Variants in LHX8 observed in about 807,000 individuals in gnomAD.
LHX8 encodes the protein LIM/homeobox protein Lhx8.
In LHX8, 12 loss-of-function variants were observed where a neutral mutation model predicts 40.3. That is an observed-to-expected ratio of 0.30 (90% CI 0.19 to 0.48). LHX8 has a LOEUF of 0.48. LHX8 is among the 20% of genes least tolerant of loss of function. LHX8 has a pLI of 0.99. For synonymous variants in LHX8, 179 were observed against 162.0 expected (o/e 1.10, Z -0.80); for missense variants, 344 against 433.7 (o/e 0.79, Z 1.84).
chr1:75,167,447 A>G, the LHX8 span, among the ~76,000 whole-genome samples: 1 of 152,142 alleles, frequency 6.6e-6, no homozygotes, highest in Non-Finnish European at 1.5e-5. Context: ...AAATGCCACC[A>G]TCTTTCACTA....
chr1:75,147,211 T>C (rs1056001313), intron 6 of LHX8, among the ~76,000 whole-genome samples: 2 of 152,182 alleles, frequency 1.3e-5, no homozygotes, highest in African/African-American at 2.4e-5. Context: ...TATAGTTAGA[T>C]GGGAAGCCAA....
Position 75,156,888 on chromosome 1 carries a change from C to T in LHX8, c.781-5C>T, listed in dbSNP as rs761928703. ...CCTACTTCTGTTGCTTTTCTCCCTG[C>T]TCAGGTGTGGTTTCAGAATTGTAGA... On this transcript the variant is annotated splice_region_variant and splice_polypyrimidine_tract_variant and intron_variant, in intron 7 of 8. Coordinates refer to ENST00000356261, the MANE Select transcript of LHX8 (RefSeq NM_001256114.2). The T allele has an allele frequency of 5.0e-6, 8 of 1,614,122 alleles. No individual in the cohort carries two copies. The South Asian group carries it at 7.7e-5, about 16-fold the overall frequency.
chr1:75,160,720 T>C, intron 8 of LHX8, 99 bp from the exon 9 acceptor site: 1 of 820,200 alleles, frequency 1.2e-6, no homozygotes, highest in South Asian at 1.3e-5. Flanking sequence ...TCAGCTATAA[T>C]GAGTGATGAA....
chr1:75,175,080 A>C, the LHX8 span, among the ~76,000 whole-genome samples: 3 of 152,286 alleles, frequency 2.0e-5, no homozygotes, highest in African/African-American at 7.2e-5. Flanking sequence ...TGCATTCCTG[A>C]GTTACTGCAC....
chr1:75,148,507 A>G, intron 6 of LHX8, 80 bp from the exon 7 acceptor site: 2 of 946,022 alleles, frequency 2.1e-6, no homozygotes, highest in South Asian at 2.7e-5. Flanking sequence ...TGCATGTCTT[A>G]CCTCTTATGA....
At chr1:75,193,971 A>C in the LHX8 span, among the ~76,000 whole-genome samples, 11 of 152,166 alleles carry the variant, frequency 7.2e-5, no homozygotes, top group Non-Finnish European at 1.3e-4. Context: ...TTTTATATTT[A>C]TACATCTGAC....
chr1:75,180,068 C>G, the LHX8 span, among the ~76,000 whole-genome samples: 1 of 152,184 alleles, frequency 6.6e-6, no homozygotes, highest in Non-Finnish European at 1.5e-5. Flanking sequence ...AGCTGTTAGT[C>G]TGATAGCCTT....
intron 3 of LHX8, among the ~76,000 whole-genome samples, chr1:75,139,376 G>A (rs1045800969): frequency 2.0e-5 from 3 of 152,208 alleles, no homozygotes; most frequent in African/African-American, 7.2e-5. Flanking sequence ...TTGAAAAAAC[G>A]TGACAACCAG....
intron 7 of LHX8, among the ~76,000 whole-genome samples, chr1:75,150,802 GAGT>G (rs1648587087): frequency 1.3e-5 from 2 of 151,046 alleles, no homozygotes; most frequent in South Asian, 4.2e-4. Context: ...TCAGCCTTCT[GAGT>G]AGCTGGGATT....
chr1:75,165,029 CT>C (rs890264560), downstream of LHX8, among the ~76,000 whole-genome samples: 5 of 152,046 alleles, frequency 3.3e-5, no homozygotes, highest in East Asian at 3.9e-4. Flanking sequence ...ACTTTTGTGA[CT>C]TTTTTTTGCC....
At chr1:75,177,100 G>C in the LHX8 span, among the ~76,000 whole-genome samples, 1 of 152,162 alleles carries the variant, frequency 6.6e-6, no homozygotes. Flanking sequence ...TTTGAAGTCA[G>C]GTAGTGTGAT....
chr1:75,131,133 CT>C, upstream of LHX8: 1 of 324,960 alleles, frequency 3.1e-6, no homozygotes, highest in Non-Finnish European at 6.0e-6. Flanking sequence ...GATGCGCCTC[CT>C]TTGACCACGT....
the LHX8 span, among the ~76,000 whole-genome samples, chr1:75,170,186 T>G: frequency 6.6e-6 from 1 of 152,222 alleles, no homozygotes; most frequent in South Asian, 2.1e-4. Context: ...TTTTGGACTA[T>G]CGAGTACAAG....
chr1:75,193,916 C>T, the LHX8 span, among the ~76,000 whole-genome samples: 3 of 152,180 alleles, frequency 2.0e-5, no homozygotes, highest in African/African-American at 7.2e-5. Flanking sequence ...TTTAAATACT[C>T]ATGGTGCTTT....
the LHX8 span, among the ~76,000 whole-genome samples, chr1:75,172,540 A>G: frequency 6.6e-6 from 1 of 152,158 alleles, no homozygotes; most frequent in Non-Finnish European, 1.5e-5. Context: ...TTTATTTTCC[A>G]TAATTCTGGG....
the LHX8 span, among the ~76,000 whole-genome samples, chr1:75,192,420 C>G: frequency 6.6e-6 from 1 of 152,122 alleles, no homozygotes; most frequent in Non-Finnish European, 1.5e-5. Flanking sequence ...AGTCCTAATT[C>G]CCAAGGCCTA....
chr1:75,178,115 G>A, the LHX8 span, among the ~76,000 whole-genome samples: 1 of 152,144 alleles, frequency 6.6e-6, no homozygotes, highest in Non-Finnish European at 1.5e-5. Flanking sequence ...ATGTTCATCA[G>A]GGATATTGGT....
the LHX8 span, among the ~76,000 whole-genome samples, chr1:75,194,484 A>G: frequency 6.6e-6 from 1 of 152,172 alleles, no homozygotes; most frequent in Admixed American, 6.5e-5. Flanking sequence ...CACCGTGAGG[A>G]TTTATCTAGA....
chr1:75,147,136 G>A (rs1466805763), intron 6 of LHX8, among the ~76,000 whole-genome samples: 1 of 152,144 alleles, frequency 6.6e-6, no homozygotes, highest in African/African-American at 2.4e-5. Context: ...AAACTTTTAA[G>A]CCAATTCTGC....
Sources: allele counts gnomAD v4.1 joint callset (sites outside exome capture counted in the v4.1 genomes callset), GRCh38; gene constraint gnomAD v4.1.1; transcripts MANE v1.5; gene names NCBI Gene and HGNC (gene_info 2026-07-23, HGNC 2026-07-21).